Variants in MYH15 observed in about 807,000 individuals in gnomAD.
The protein encoded by MYH15 is myosin heavy chain 15.
A neutral mutation model predicts 240.5 loss-of-function variants in MYH15; 227 were observed. The observed-to-expected ratio is 0.94, with a 90% CI of 0.85 to 1.05. MYH15 has a LOEUF of 1.05. Among genes scored for constraint, MYH15 ranks in the 50% least tolerant of loss-of-function variants. The pLI is 0.00. For synonymous variants in MYH15, 785 were observed against 796.7 expected, an observed-to-expected ratio of 0.99 and a Z score of 0.25; for missense variants, 2,217 against 2,247.5, an observed-to-expected ratio of 0.99 and a Z score of 0.27.
At chr3:108,536,672 G>A in the MYH15 span, among the ~76,000 whole-genome samples, 1 of 152,152 alleles carries the variant, frequency 6.6e-6, no homozygotes, top group African/African-American at 2.4e-5. Flanking sequence ...CAGCATCTTT[G>A]AGCTTCAGTG....
At chr3:108,408,520 G>T in intron 31 of MYH15, 116 bp from the exon 32 acceptor site, 1 of 1,005,784 alleles carries the variant, frequency 9.9e-7, no homozygotes, top group Non-Finnish European at 1.4e-6. Flanking sequence ...GCCACCCTTG[G>T]TAACTTGATG....
chr3:108,496,473 C>G lies in MYH15; in HGVS notation c.619-601G>C, dbSNP rs575273040. ...ATGGCTTTGTTGTTTTCCAGTCAGC[C>G]TCAAAGACCAATTTTATGGGGGTAA... On this transcript the variant is annotated intron_variant, in intron 6 of 40. Coordinates refer to ENST00000693548, the MANE Select transcript of MYH15 (RefSeq NM_014981.3). Among the ~76,000 whole-genome samples, 3 of 152,220 alleles carry G rather than the reference C, an allele frequency of 2.0e-5. No individual in the cohort carries two copies. In the East Asian group the frequency reaches 5.8e-4, roughly 29 times the overall value.
the MYH15 span, among the ~76,000 whole-genome samples, chr3:108,538,376 A>AT: frequency 1.2e-4 from 18 of 152,358 alleles, 1 homozygote; most frequent in Non-Finnish European, 2.6e-4. Context: ...TGCCTGATCA[A>AT]TGAGACTAGA....
chr3:108,427,795 T>C (rs1560351219), intron 27 of MYH15, among the ~76,000 whole-genome samples: 1 of 152,214 alleles, frequency 6.6e-6, no homozygotes, highest in Non-Finnish European at 1.5e-5. Flanking sequence ...TCAAGCTTTA[T>C]TGTCAGGCCA....
intron 2 of MYH15, among the ~76,000 whole-genome samples, chr3:108,504,544 T>C (rs1454936107): frequency 6.6e-6 from 1 of 152,180 alleles, no homozygotes; most frequent in Non-Finnish European, 1.5e-5. Context: ...AGACAAACTT[T>C]CTCGATATCA....
At position 108,414,278 on chromosome 3, in the gene MYH15, A is replaced by G. The variant is rs199899076; in HGVS notation, c.4099T>C (p.Tyr1367His). 3 of 1,614,086 alleles carry G rather than the reference A, an allele frequency of 1.9e-6. No individual in the cohort carries two copies. The highest frequency in any genetic ancestry group is 2.5e-6 in the Non-Finnish European group (3 of 1,179,954). Reference sequence around the variant, plus strand: ...GTTCTCTGGATGACATTGTTTTCATACTTCATTCTCCATTGCACCATTTCA... The same window carrying G: ...GTTCTCTGGATGACATTGTTTTCATGCTTCATTCTCCATTGCACCATTTCA... Reference protein sequence around the residue: ...NAEMVQWRMKYENNVIQRTED... With the variant: ...NAEMVQWRMKHENNVIQRTED... The change falls in exon 30 of 41, where the codon TAT (tyrosine) becomes CAT (histidine). Residue 1367 changes from tyrosine to histidine, a missense_variant. By Grantham distance (83) the Tyr-to-His change is moderately conservative. Transcript: ENST00000693548.
chr3:108,547,968 G>A, the MYH15 span, among the ~76,000 whole-genome samples: 1 of 152,158 alleles, frequency 6.6e-6, no homozygotes, highest in Non-Finnish European at 1.5e-5. Context: ...ATGCAAAGAG[G>A]TGAACATACT....
chr3:108,505,284 T>C (rs1011281314), intron 2 of MYH15, among the ~76,000 whole-genome samples: 1 of 152,258 alleles, frequency 6.6e-6, no homozygotes, highest in African/African-American at 2.4e-5. Context: ...TGTTTGTTTG[T>C]TTTTGGTGAC....
At chr3:108,433,815 T>C (rs1485061837) in intron 25 of MYH15, among the ~76,000 whole-genome samples, 2 of 152,166 alleles carry the variant, frequency 1.3e-5, no homozygotes, top group Non-Finnish European at 2.9e-5. Context: ...TTTTCCTGTA[T>C]AAATTACCCA....
At chr3:108,526,106 C>T (rs1255449553) in intron 1 of MYH15, among the ~76,000 whole-genome samples, 5 of 152,080 alleles carry the variant, frequency 3.3e-5, no homozygotes, top group African/African-American at 1.2e-4. Context: ...CTTCTTCCCT[C>T]ATGATTGAAA....
chr3:108,472,212 A>ATCCTACT (rs1363368068), intron 12 of MYH15, among the ~76,000 whole-genome samples: 1 of 152,214 alleles, frequency 6.6e-6, no homozygotes, highest in Non-Finnish European at 1.5e-5. Flanking sequence ...ACAAATGCAG[A>ATCCTACT]TCCTACTTCC....
chr3:108,414,261 G>A lies in MYH15; in HGVS notation c.4116C>T (p.Ile1372=), dbSNP rs2082616629. 2 of 1,613,996 alleles carry A rather than the reference G, an allele frequency of 1.2e-6. No individual in the cohort carries two copies. The highest frequency in any genetic ancestry group is 1.7e-5 in the Admixed American group (1 of 59,980). ...CATCCTCCAAGTCTTCTGTTCTCTG[G>A]ATGACATTGTTTTCATACTTCATTC... ...QWRMKYENNV[I]QRTEDLEDAK... is the part of the protein sequence containing the mutation. The change falls in exon 30 of 41, where the codon ATC becomes ATT. Residue 1372 remains isoleucine (I), a synonymous_variant. Coordinates refer to ENST00000693548, the MANE Select transcript of MYH15 (RefSeq NM_014981.3).
intron 1 of MYH15, among the ~76,000 whole-genome samples, chr3:108,528,168 T>C (rs1240756085): frequency 6.6e-6 from 1 of 152,176 alleles, no homozygotes; most frequent in Non-Finnish European, 1.5e-5. Flanking sequence ...ATTCAAACCA[T>C]ACCAGTCTAC....
chr3:108,502,225 A>G (rs1449463224), intron 2 of MYH15, among the ~76,000 whole-genome samples: 1 of 152,170 alleles, frequency 6.6e-6, no homozygotes, highest in Non-Finnish European at 1.5e-5. Context: ...GATTTAAAAG[A>G]AGAAACTTAG....
At chr3:108,479,190 C>T (rs2083245417) in intron 11 of MYH15, among the ~76,000 whole-genome samples, 2 of 152,192 alleles carry the variant, frequency 1.3e-5, no homozygotes, top group East Asian at 1.9e-4. Context: ...TATGTGTAAA[C>T]ATATTTTAAT....
intron 30 of MYH15, among the ~76,000 whole-genome samples, chr3:108,411,996 G>A (rs1005705448): frequency 6.6e-6 from 1 of 152,164 alleles, no homozygotes; most frequent in East Asian, 1.9e-4. Context: ...ATATTCTGAT[G>A]CTTTACCTGA....
chr3:108,399,403 G>C (rs1260757388), intron 33 of MYH15, 136 bp from the exon 34 acceptor site: 1 of 731,836 alleles, frequency 1.4e-6, no homozygotes, highest in Non-Finnish European at 2.2e-6. Flanking sequence ...AACAAAATGA[G>C]TCTAAGTGCT....
At chr3:108,481,825 AT>A (rs761872469) in intron 11 of MYH15, among the ~76,000 whole-genome samples, 3 of 152,204 alleles carry the variant, frequency 2.0e-5, no homozygotes, top group Non-Finnish European at 4.4e-5. Flanking sequence ...CCAAAATTAC[AT>A]TTGCACCAAC....
the MYH15 span, among the ~76,000 whole-genome samples, chr3:108,544,418 CAGTATGATCATA>C: frequency 2.6e-5 from 4 of 152,116 alleles, no homozygotes; most frequent in Non-Finnish European, 5.9e-5. Flanking sequence ...AAAATATTAG[CAGTATGATCATA>C]AGTTGGGTGG....
Sources: allele counts gnomAD v4.1 joint callset (sites outside exome capture counted in the v4.1 genomes callset), GRCh38; gene constraint gnomAD v4.1.1; transcripts MANE v1.5; gene names NCBI Gene and HGNC (gene_info 2026-07-23, HGNC 2026-07-21).